ANKFY1: variants seen among roughly 807,000 people sequenced by gnomAD.
ANKFY1 encodes the protein ankyrin repeat and FYVE domain-containing protein 1.
A neutral mutation model predicts 128.3 loss-of-function variants in ANKFY1; 47 were observed. That is an observed-to-expected ratio of 0.37 (90% CI 0.29 to 0.47). The LOEUF (loss-of-function observed/expected upper bound fraction) is 0.47, where lower values mean the gene tolerates loss of function less well. Ranked by LOEUF, ANKFY1 falls within the 20% of genes least tolerant of loss-of-function variation. The probability of loss-of-function intolerance (pLI) is 1.00; values close to 1 mark genes in which losing one functional copy is unlikely to be tolerated. For synonymous variants in ANKFY1, 553 were observed against 601.6 expected, an observed-to-expected ratio of 0.92 and a Z score of 1.18; for missense variants, 1,222 against 1,510.6, an observed-to-expected ratio of 0.81 and a Z score of 3.17.
chr17:4,209,187 T>C (rs1366535795), intron 5 of ANKFY1, among the ~76,000 whole-genome samples: 2 of 152,258 alleles, frequency 1.3e-5, no homozygotes, highest in Admixed American at 1.3e-4. Flanking sequence ...CTGCTGAAGC[T>C]GCAGGGCCTG....
rs1453157802 is a variant in ANKFY1 at position 4,173,949 on chromosome 17, A to G, written c.2883T>C (p.Asn961=). The change falls in exon 20 of 25, where the codon AAT becomes AAC. Residue 961 remains asparagine, a synonymous_variant. Transcript: ENST00000341657. The stretch of plus-strand genomic sequence containing the variant: ...CATCCACGGCAGCAAAGTCCACGCC[A>G]TTCTCTAGGAGGACTGAGCAGATGG... The part of the protein sequence containing the change: ...LPTICSVLLE[N]GVDFAAVDEN... 8 of 1,613,992 alleles carry G rather than the reference A, an allele frequency of 5.0e-6. No individual in the cohort carries two copies. In the South Asian group the frequency reaches 5.5e-5, roughly 11 times the overall value.
intron 3 of ANKFY1, among the ~76,000 whole-genome samples, chr17:4,217,546 C>CA (rs1363708440): frequency 6.6e-5 from 10 of 151,448 alleles, no homozygotes; most frequent in African/African-American, 2.2e-4. Context: ...GACTCCGTCT[C>CA]AAAAAAAAGG....
At chr17:4,183,615 A>G (rs1197370311) in intron 13 of ANKFY1, 64 bp from the exon 14 acceptor site, 27 of 1,588,750 alleles carry the variant, frequency 1.7e-5, no homozygotes, top group Non-Finnish European at 2.1e-5. Flanking sequence ...ATCTTACTAC[A>G]ACAGCCAGAC....
rs554416702 is a variant in ANKFY1, at chr17:4,224,669, T to G, written c.323-7551A>C. Among the ~76,000 whole-genome samples, 525 of 150,634 alleles carry G rather than the reference T, an allele frequency of 3.5e-3. 1 individual carries two copies. Among genetic ancestry groups the G allele is most frequent in the African/African-American group, 0.012 (492 of 41,080 alleles). On this transcript the variant is annotated intron_variant, in intron 3 of 24. Transcript: ENST00000341657. ...CCTTGCATGGAAAACTGTTTGTTTGTTTTTTTTTAGTGAAAAGGAATTCTG... is the reference window on the plus strand; with the variant it reads ...CCTTGCATGGAAAACTGTTTGTTTGGTTTTTTTTAGTGAAAAGGAATTCTG...
intron 3 of ANKFY1, among the ~76,000 whole-genome samples, chr17:4,218,507 G>A (rs2060256796): frequency 6.6e-6 from 1 of 152,196 alleles, no homozygotes; most frequent in Admixed American, 6.5e-5. Flanking sequence ...AATGCTTTGG[G>A]AGGCCAAGGT....
At chr17:4,238,315 TC>T in intron 2 of ANKFY1, among the ~76,000 whole-genome samples, 1 of 152,128 alleles carries the variant, frequency 6.6e-6, no homozygotes, top group Middle Eastern at 3.2e-3. Context: ...AGGTATTTTT[TC>T]CCCTACGTTG....
rs1968547736 is a variant in ANKFY1, at chr17:4,263,685, T to A, written c.10+247A>T. 3 of 1,525,990 alleles carry A rather than the reference T, an allele frequency of 2.0e-6. No homozygotes were observed. The South Asian group carries it at 3.6e-5, about 18-fold the overall frequency. 94.5% of individuals were successfully genotyped at this position (1,525,990 alleles called of 1,614,324 possible). Reference sequence around the variant, plus strand: ...CTGCACGCAGCACCGGCGCGGGACCTGCCAGCCCGGCTCCGCAGCCGGCCG... The same window carrying A: ...CTGCACGCAGCACCGGCGCGGGACCAGCCAGCCCGGCTCCGCAGCCGGCCG... On this transcript the variant is annotated intron_variant, in intron 1 of 24. Transcript: ENST00000341657.
rs74539519 is a variant in ANKFY1, at chr17:4,220,390, T to C, written c.323-3272A>G. Among the ~76,000 whole-genome samples, 38 of 152,216 alleles carry C rather than the reference T, an allele frequency of 2.5e-4. No individual in the cohort carries two copies. The East Asian group carries it at 6.0e-3, about 24-fold the overall frequency. ...AATCCCAAAACACATCCTACTAGAC[T>C]CACATGGCCTGATCTTGAAGACAGC... On this transcript the variant is annotated intron_variant, in intron 3 of 24. Coordinates refer to ENST00000341657, the MANE Select transcript of ANKFY1 (RefSeq NM_001330063.2).
intron 7 of ANKFY1, among the ~76,000 whole-genome samples, chr17:4,199,786 A>ATGACAAGG (rs1457127722): frequency 6.6e-6 from 1 of 152,242 alleles, no homozygotes; most frequent in Admixed American, 6.5e-5. Context: ...AACTTGGAGG[A>ATGACAAGG]TGACAAGGAT....
intron 15 of ANKFY1, 97 bp downstream of exon 15, chr17:4,182,083 CA>C (rs1261831467): frequency 2.5e-6 from 3 of 1,215,204 alleles, no homozygotes; most frequent in Non-Finnish European, 3.2e-6. Context: ...TGTTACTTGA[CA>C]GATCTTGCTC....
At chr17:4,223,331 AT>A in intron 3 of ANKFY1, 1 of 1,502,026 alleles carries the variant, frequency 6.7e-7, no homozygotes, top group Admixed American at 1.7e-5. Flanking sequence ...TCCACAGGCA[AT>A]TTCTCAACAA....
At chr17:4,188,938 C>A (rs1443615406) in intron 11 of ANKFY1, 1 of 153,772 alleles carries the variant, frequency 6.5e-6, no homozygotes, top group Non-Finnish European at 1.4e-5. Context: ...TCGGTAACGT[C>A]CAACCCCAAA....
At chr17:4,261,539 C>T (rs138043534) in intron 1 of ANKFY1, among the ~76,000 whole-genome samples, 44 of 152,350 alleles carry the variant, frequency 2.9e-4, no homozygotes, top group African/African-American at 1.0e-3. Context: ...GACTGCTTAC[C>T]TAGCTATCCC....
Position 4,178,905 on chromosome 17 carries a change from G to C in ANKFY1, c.2550C>G (p.Asn850Lys). Reference protein sequence around the residue: ...PFACAMTFKNNKSAEAILKRE... With the variant: ...PFACAMTFKNKKSAEAILKRE... ...GTTTGAGAATGGCCTCGGCTGACTT[G>C]TTGTTCTTGAAAGTCATGGCACAGG... is the stretch of plus-strand genomic sequence containing the variant. The change falls in exon 18 of 25, where the codon AAC (asparagine) becomes AAG (lysine). Residue 850 changes from asparagine to lysine, a missense_variant. Transcript: ENST00000341657. This position sits in a 1 kb window ranked among gnomAD's most constrained non-coding sequence, Gnocchi z 4.1. 1 of 1,614,104 alleles carries C rather than the reference G, an allele frequency of 6.2e-7. No individual in the cohort carries two copies. The highest frequency in any genetic ancestry group is 8.5e-7 in the Non-Finnish European group (1 of 1,179,950).
intron 5 of ANKFY1, among the ~76,000 whole-genome samples, chr17:4,209,174 GTGC>G (rs2060080677): frequency 6.6e-6 from 1 of 152,240 alleles, no homozygotes; most frequent in African/African-American, 2.4e-5. Context: ...CTCTGAAACT[GTGC>G]TGCTGAAGCT....
intron 17 of ANKFY1, 21 bp downstream of exon 17, chr17:4,179,700 C>A: frequency 6.2e-7 from 1 of 1,611,580 alleles, no homozygotes; most frequent in Non-Finnish European, 8.5e-7. Context: ...CCTCTCTCCC[C>A]GGAAAAGAGA....
chr17:4,215,737 C>A (rs2060211190), intron 4 of ANKFY1, among the ~76,000 whole-genome samples: 1 of 152,188 alleles, frequency 6.6e-6, no homozygotes, highest in Admixed American at 6.5e-5. Context: ...ACACAGATTA[C>A]AATTATCTCA....
At chr17:4,247,105 A>G in intron 1 of ANKFY1, among the ~76,000 whole-genome samples, 1 of 150,136 alleles carries the variant, frequency 6.7e-6, no homozygotes, top group African/African-American at 2.5e-5. Flanking sequence ...ACAGAGAGAG[A>G]CCCTGTCTTA....
chr17:4,210,815 TGA>T (rs2060115889), intron 4 of ANKFY1, among the ~76,000 whole-genome samples: 2 of 149,212 alleles, frequency 1.3e-5, no homozygotes, highest in Non-Finnish European at 1.5e-5. Flanking sequence ...TAGGATCTAC[TGA>T]GGTCAGGAGC....
Sources: gnomAD v4.1 joint callset for allele counts (sites outside exome capture counted in the v4.1 genomes callset) on GRCh38, gnomAD v4.1.1 for gene constraint, Gnocchi (gnomAD v3.1) non-coding constraint, MANE v1.5 for transcripts, NCBI Gene and HGNC (gene_info 2026-07-23, HGNC 2026-07-21) for gene names.